The following LRMDA variants were observed in gnomAD, a reference collection of about 807,000 sequenced individuals.
LRMDA encodes the protein leucine-rich melanocyte differentiation-associated protein.
Under a neutral mutation model 29.8 loss-of-function variants are expected in LRMDA, and 18 were observed. The observed-to-expected ratio is 0.60, with a 90% confidence interval of 0.42 to 0.90. LRMDA has a LOEUF of 0.90. LRMDA is among the 40% of genes least tolerant of loss of function. The pLI is 0.00. For synonymous variants in LRMDA, 125 were observed against 109.4 expected (o/e 1.14, Z -0.89); for missense variants, 273 against 273.9 (o/e 1.00, Z 0.02).
intron 6 of LRMDA, among the ~76,000 whole-genome samples, chr10:76,543,520 T>G (rs1843383372): frequency 6.6e-6 from 1 of 152,134 alleles, no homozygotes; most frequent in African/African-American, 2.4e-5. Flanking sequence ...AAAATCAGGT[T>G]GATTGATCAG....
At chr10:76,398,068 T>C (rs1457936023) in intron 6 of LRMDA, among the ~76,000 whole-genome samples, 1 of 152,260 alleles carries the variant, frequency 6.6e-6, no homozygotes, top group Non-Finnish European at 1.5e-5. Context: ...CAGTATGTTT[T>C]CAGCTGTGCC....
At chr10:76,140,463 G>A (rs1404218986) in intron 5 of LRMDA, among the ~76,000 whole-genome samples, 1 of 152,036 alleles carries the variant, frequency 6.6e-6, no homozygotes, top group African/African-American at 2.4e-5. Flanking sequence ...ATTTCAAGAT[G>A]GTATTTAAGC....
intron 2 of LRMDA, among the ~76,000 whole-genome samples, chr10:75,477,668 A>G (rs1844812189): frequency 6.6e-6 from 1 of 152,222 alleles, no homozygotes; most frequent in African/African-American, 2.4e-5. Context: ...TCTTGGGGAC[A>G]CAAGGCTTGT....
At chr10:76,350,411 T>G (rs1841161105) in intron 6 of LRMDA, among the ~76,000 whole-genome samples, 1 of 152,078 alleles carries the variant, frequency 6.6e-6, no homozygotes, top group Non-Finnish European at 1.5e-5. Context: ...TATTCTTTTG[T>G]TCAAAAGAAA....
At chr10:75,827,151 G>T (rs183309239) in intron 2 of LRMDA, among the ~76,000 whole-genome samples, 1 of 152,092 alleles carries the variant, frequency 6.6e-6, no homozygotes, top group Admixed American at 6.5e-5. Flanking sequence ...ATTGCACATC[G>T]CATGTTTTTG....
chr10:76,258,480 C>G (rs1839894326), intron 5 of LRMDA, among the ~76,000 whole-genome samples: 1 of 152,080 alleles, frequency 6.6e-6, no homozygotes, highest in South Asian at 2.1e-4. Flanking sequence ...TATCCTTCTT[C>G]TAGCTACTGG....
intron 5 of LRMDA, among the ~76,000 whole-genome samples, chr10:76,251,092 A>C (rs1436514225): frequency 2.0e-5 from 3 of 152,198 alleles, no homozygotes; most frequent in Non-Finnish European, 2.9e-5. Flanking sequence ...GAGTGGGGGA[A>C]GACAGGGACA....
chr10:75,952,855 A>C (rs956134187), intron 2 of LRMDA, among the ~76,000 whole-genome samples: 4 of 152,216 alleles, frequency 2.6e-5, no homozygotes, highest in Non-Finnish European at 2.9e-5. Flanking sequence ...CCCGGGTTCA[A>C]GCAATTCTCA....
At chr10:76,403,568 T>G (rs1413942159) in intron 6 of LRMDA, among the ~76,000 whole-genome samples, 1 of 152,160 alleles carries the variant, frequency 6.6e-6, no homozygotes, top group Non-Finnish European at 1.5e-5. Context: ...GAAAATTAAG[T>G]AATTTTGTTA....
chr10:75,912,069 T>C (rs1306344718), intron 2 of LRMDA, among the ~76,000 whole-genome samples: 1 of 152,148 alleles, frequency 6.6e-6, no homozygotes, highest in East Asian at 1.9e-4. Flanking sequence ...GGGGTGACTT[T>C]GAGGCACAGT....
chr10:75,765,225 T>C (rs1269508797), intron 2 of LRMDA, among the ~76,000 whole-genome samples: 1 of 152,078 alleles, frequency 6.6e-6, no homozygotes, highest in Non-Finnish European at 1.5e-5. Flanking sequence ...TTTTTTTTTT[T>C]TCTTTTCCTA....
chr10:76,132,932 A>G, intron 5 of LRMDA, among the ~76,000 whole-genome samples: 1 of 133,992 alleles, frequency 7.5e-6, no homozygotes, highest in South Asian at 2.7e-4. Context: ...CCTCCTGAGT[A>G]GCTGGGACTA....
At chr10:75,888,445 C>T (rs7895205) in intron 2 of LRMDA, among the ~76,000 whole-genome samples, 1 of 152,040 alleles carries the variant, frequency 6.6e-6, no homozygotes, top group Non-Finnish European at 1.5e-5. Flanking sequence ...AACTCCACAT[C>T]CCTGATCTGG....
chr10:76,130,849 G>A (rs553173226), intron 5 of LRMDA, among the ~76,000 whole-genome samples: 1 of 152,152 alleles, frequency 6.6e-6, no homozygotes, highest in East Asian at 1.9e-4. Context: ...TTTTAGTAGA[G>A]ACGGGGTTTC....
At chr10:76,091,276 C>CATGTGTGT (rs919922502) in intron 5 of LRMDA, among the ~76,000 whole-genome samples, 38 of 146,906 alleles carry the variant, frequency 2.6e-4, no homozygotes, top group African/African-American at 8.8e-4. Flanking sequence ...ACATGGTGGA[C>CATGTGTGT]GTGTGTGTGT....
intron 2 of LRMDA, among the ~76,000 whole-genome samples, chr10:75,678,966 G>A (rs556827530): frequency 1.3e-3 from 204 of 152,126 alleles, no homozygotes; most frequent in Non-Finnish European, 2.2e-3. Context: ...TTTCAGCAAC[G>A]AAAGAGTCCC....
intron 2 of LRMDA, among the ~76,000 whole-genome samples, chr10:75,629,556 T>C (rs1841297311): frequency 6.6e-6 from 1 of 152,240 alleles, no homozygotes. Flanking sequence ...TAATCAGCTA[T>C]TTCAACTTTC....
intron 2 of LRMDA, among the ~76,000 whole-genome samples, chr10:75,780,544 C>T (rs974284902): frequency 6.6e-6 from 1 of 152,190 alleles, no homozygotes; most frequent in Non-Finnish European, 1.5e-5. Context: ...GAGGACATGG[C>T]TCTGAAGGTG....
At position 76,332,352 on chromosome 10, in the gene LRMDA, T is replaced by C. The variant is rs544251856; in HGVS notation, c.601+7867T>C. Among the ~76,000 whole-genome samples, 41 of 152,336 alleles carry C rather than the reference T, an allele frequency of 2.7e-4. 1 individual carries two copies. The South Asian group carries it at 3.1e-3, about 12-fold the overall frequency. ...ATCCATAGGGGTCCATTTCCTCTCC[T>C]TTTCCTCCAAGGATGATTTTTCATT... On this transcript the variant is annotated intron_variant, in intron 6 of 6. Coordinates refer to ENST00000611255, the MANE Select transcript of LRMDA (RefSeq NM_001305581.2).
Sources: allele counts gnomAD v4.1 joint callset (sites outside exome capture counted in the v4.1 genomes callset), GRCh38; gene constraint gnomAD v4.1.1; transcripts MANE v1.5; gene names NCBI Gene and HGNC (gene_info 2026-07-23, HGNC 2026-07-21).